The following SNED1 variants were observed in gnomAD, a reference collection of about 807,000 sequenced individuals.
The protein encoded by SNED1 is sushi, nidogen and EGF like domains 1, also known as sushi, nidogen and EGF-like domain-containing protein 1.
Under a neutral mutation model 166.7 loss-of-function variants are expected in SNED1, and 81 were observed. The observed-to-expected ratio is 0.49, with a 90% CI of 0.41 to 0.58. SNED1 has a LOEUF of 0.58. Among genes scored for constraint, SNED1 ranks in the 20% least tolerant of loss-of-function variants. SNED1 has a pLI of 0.00. For synonymous variants in SNED1, 762 were observed against 822.0 expected, an observed-to-expected ratio of 0.93 and a Z score of 1.25; for missense variants, 1,604 against 2,000.2, an observed-to-expected ratio of 0.80 and a Z score of 3.78.
intron 3 of SNED1, 46 bp from the exon 4 acceptor site, chr2:241,034,522 A>G (rs1354603269): frequency 1.3e-6 from 2 of 1,535,022 alleles, no homozygotes; most frequent in South Asian, 2.5e-5. Flanking sequence ...ACCTCTGTAG[A>G]CCTGGGGAAC....
chr2:241,062,942 A>C (rs1157436656), intron 17 of SNED1, 38 bp downstream of exon 17: 1 of 1,348,074 alleles, frequency 7.4e-7, no homozygotes, highest in Admixed American at 2.1e-5. Flanking sequence ...TGACAGCTGC[A>C]GCACACTGGC....
intron 1 of SNED1, among the ~76,000 whole-genome samples, chr2:241,000,024 C>T (rs1353623946): frequency 6.6e-6 from 1 of 152,124 alleles, no homozygotes; most frequent in Non-Finnish European, 1.5e-5. Flanking sequence ...CCAGCCACAT[C>T]GCCTCTGCCA....
At chr2:241,070,628 G>A (rs1280595624) in intron 24 of SNED1, among the ~76,000 whole-genome samples, 1 of 152,230 alleles carries the variant, frequency 6.6e-6, no homozygotes, top group African/African-American at 2.4e-5. Context: ...TGCAAGGCAG[G>A]CAGGAATGCT....
intron 8 of SNED1, among the ~76,000 whole-genome samples, chr2:241,046,142 T>TA (rs1343663200): frequency 6.6e-6 from 1 of 151,984 alleles, no homozygotes; most frequent in East Asian, 1.9e-4. Context: ...TTAGAATGCC[T>TA]AAAAAAAATA....
intron 1 of SNED1, among the ~76,000 whole-genome samples, chr2:241,020,866 C>T (rs939423639): frequency 6.6e-5 from 10 of 152,286 alleles, no homozygotes; most frequent in South Asian, 2.1e-4. Flanking sequence ...AGGCCATCTA[C>T]GGGCCCCCTC....
chr2:241,056,690 C>T (rs1220920698), intron 16 of SNED1, among the ~76,000 whole-genome samples: 2 of 149,752 alleles, frequency 1.3e-5, no homozygotes, highest in Non-Finnish European at 1.5e-5. Context: ...ACGCCATTCT[C>T]CTGCCTCAGC....
chr2:241,028,888 G>A (rs1374123931), intron 1 of SNED1, among the ~76,000 whole-genome samples: 1 of 151,828 alleles, frequency 6.6e-6, no homozygotes, highest in East Asian at 1.9e-4. Context: ...ATGCTTCCTT[G>A]GGTGCCCGAT....
At chr2:241,090,262 A>G (rs766062238) in intron 31 of SNED1, 19 of 1,526,648 alleles carry the variant, frequency 1.2e-5, no homozygotes, top group Middle Eastern at 3.5e-4. Context: ...AAACACACAC[A>G]TTGGCTTATG....
chr2:241,007,496 T>G (rs992776391), intron 1 of SNED1, among the ~76,000 whole-genome samples: 5 of 152,256 alleles, frequency 3.3e-5, no homozygotes, highest in Non-Finnish European at 7.3e-5. Flanking sequence ...TTTTGTTCGC[T>G]GTGCTGTCAG....
intron 1 of SNED1, among the ~76,000 whole-genome samples, chr2:241,001,674 A>G (rs1431026082): frequency 1.3e-5 from 2 of 152,082 alleles, no homozygotes; most frequent in Non-Finnish European, 2.9e-5. Context: ...ATGCAGGTGG[A>G]GTGGTTTCCT....
In SNED1 at chr2:241,053,280, G is replaced by T. The variant is rs1255500378; in HGVS notation, c.2211G>T (p.Arg737=). 3 of 1,601,612 alleles carry T rather than the reference G, an allele frequency of 1.9e-6. No individual in the cohort carries two copies. In the Admixed American group the frequency reaches 5.0e-5, roughly 27 times the overall value. Residue 737 remains arginine (R), a synonymous_variant, in exon 16 of 32, where the codon CGG becomes CGT. Coordinates refer to ENST00000310397, the MANE Select transcript of SNED1 (RefSeq NM_001080437.3). ...GCCTGAGCGCCCCCAGCCGCATCCG[G>T]GTCTGCCAGCCACACGGTGTCTGGA... ...GYSLSAPSRI[R]VCQPHGVWSE...
intron 1 of SNED1, among the ~76,000 whole-genome samples, chr2:241,007,118 G>A (rs2060242083): frequency 6.6e-6 from 1 of 152,208 alleles, no homozygotes; most frequent in Non-Finnish European, 1.5e-5. Context: ...TTGCATCAGT[G>A]TTAAATTTCC....
chr2:241,052,397 C>T lies in SNED1; in HGVS notation c.2012C>T (p.Thr671Ile), dbSNP rs2125106877. The T allele has an allele frequency of 6.3e-7, 1 of 1,596,070 alleles. No homozygotes were observed. Among genetic ancestry groups the T allele is most frequent in the Non-Finnish European group, 8.5e-7 (1 of 1,170,588 alleles). The part of the protein sequence containing the change: ...CFRSPCVNGG[T>I]CEDRDTDFFC... Reference sequence around the variant, plus strand: ...CGGAGCCCGTGTGTGAATGGGGGCACCTGCGAGGACCGGGACACGGATTTC... The same window carrying T: ...CGGAGCCCGTGTGTGAATGGGGGCATCTGCGAGGACCGGGACACGGATTTC... The change falls in exon 15 of 32, where the codon ACC becomes ATC. Residue 671 changes from threonine to isoleucine, a missense_variant. Physicochemically the swap from Thr to Ile is moderately conservative, Grantham distance 89. This residue lies in a region of SNED1 where 1,237 missense variants were observed against 1,620.8 expected (regional missense o/e 0.76). Coordinates refer to ENST00000310397, the MANE Select transcript of SNED1 (RefSeq NM_001080437.3).
Position 241,069,097 on chromosome 2 carries a change from C to A in SNED1, c.3307+74C>A, listed in dbSNP as rs950305980. On this transcript the variant is annotated intron_variant, in intron 23 of 31. Coordinates refer to ENST00000310397, the MANE Select transcript of SNED1 (RefSeq NM_001080437.3). This position sits in a 1 kb window ranked among gnomAD's most constrained non-coding sequence, Gnocchi z 4.9. ...AGCTCTGGCTTCCTTCCAGCCTCCC[C>A]TAGTCCTCTCCAAAGCGTCCACAAC... 113 of 1,020,478 alleles carry A rather than the reference C, an allele frequency of 1.1e-4. No homozygotes were observed. The highest frequency in any genetic ancestry group is 1.5e-4 in the Non-Finnish European group (106 of 696,940). The allele number at this position is 1,020,478 out of a possible 1,614,324, so 63.2% of individuals were successfully genotyped here.
At chr2:241,050,809 A>T (rs1447169989) in intron 12 of SNED1, among the ~76,000 whole-genome samples, 1 of 151,126 alleles carries the variant, frequency 6.6e-6, no homozygotes, top group African/African-American at 2.5e-5. Flanking sequence ...TGCCAGTGGT[A>T]TGAAGTCCAC....
intron 26 of SNED1, chr2:241,072,850 T>C (rs1199958610): frequency 4.7e-6 from 1 of 213,804 alleles, no homozygotes; most frequent in Non-Finnish European, 9.3e-6. Context: ...GGCGAGGGCA[T>C]GAGGAAGGTC....
intron 16 of SNED1, among the ~76,000 whole-genome samples, chr2:241,057,093 A>G (rs2062070108): frequency 6.6e-6 from 1 of 151,990 alleles, no homozygotes; most frequent in Non-Finnish European, 1.5e-5. Context: ...TAAATATTGA[A>G]ATAGGTTGGG....
rs371965336 is a variant in SNED1 at position 241,062,805 on chromosome 2, C to A, written c.2272C>A (p.Arg758=). ...TCTCCTCTCAGAAATCGATGAGTGC[C>A]GGTCTCAGCCGTGCCTGCATGGGGG... is the stretch of plus-strand genomic sequence containing the variant. The part of the protein sequence containing the change: ...PPQCLEIDEC[R]SQPCLHGGSC... The change falls in exon 17 of 32, where the codon CGG becomes AGG. Residue 758 remains arginine (R), a synonymous_variant. Transcript: ENST00000310397. The A allele has an allele frequency of 1.9e-6, 3 of 1,609,670 alleles. No homozygotes were observed. Among genetic ancestry groups the A allele is most frequent in the Non-Finnish European group, 2.5e-6 (3 of 1,177,922 alleles).
At chr2:241,077,014 G>A (rs979702298) in intron 27 of SNED1, among the ~76,000 whole-genome samples, 4 of 151,806 alleles carry the variant, frequency 2.6e-5, no homozygotes, top group Admixed American at 2.0e-4. Context: ...GGGAGGTGGA[G>A]CTTGCAGTGA....
Sources: allele counts gnomAD v4.1 joint callset (sites outside exome capture counted in the v4.1 genomes callset), GRCh38; gene constraint gnomAD v4.1.1; regional missense constraint gnomAD v4.1.1; non-coding constraint Gnocchi (gnomAD v3.1); transcripts MANE v1.5; gene names NCBI Gene and HGNC (gene_info 2026-07-23, HGNC 2026-07-21).